Variants in SLC44A1 observed in about 807,000 individuals in gnomAD.
SLC44A1 encodes the protein choline transporter-like protein 1.
In SLC44A1, 26 loss-of-function variants were observed where a neutral mutation model predicts 79.3. That is an observed-to-expected ratio of 0.33 (90% CI 0.24 to 0.46). SLC44A1 has a LOEUF of 0.46. SLC44A1 is among the 20% of genes least tolerant of loss of function. SLC44A1 has a pLI of 1.00. For missense variants in SLC44A1, 688 were observed against 798.1 expected, an observed-to-expected ratio of 0.86 and a Z score of 1.66; for synonymous variants, 263 against 286.2, an observed-to-expected ratio of 0.92 and a Z score of 0.82.
rs1828819542 is a variant in SLC44A1, at chr9:105,393,853, C to T, written c.*4797C>T. ...AACTTAAATGATTTTCTCCAGGACA[C>T]GGAGCTCAGAATAATAAAGCTTTTA... is the stretch of plus-strand genomic sequence containing the variant. On this transcript the variant is annotated 3_prime_UTR_variant, in exon 16 of 16. Transcript: ENST00000374720. 3.0e-6 allele frequency: 3 copies of T among 983,868 alleles called. No individual in the cohort carries two copies. The highest frequency in any genetic ancestry group is 6.2e-5 in the Admixed American group (1 of 16,244). The allele number at this position is 983,868 out of a possible 1,614,324, so 60.9% of individuals were successfully genotyped here. A position where few individuals can be genotyped will look rare whatever the true frequency, so the allele number is the denominator to read the frequency against.
At chr9:105,426,061 T>C (rs149612377) in intron 15 of SLC44A1, among the ~76,000 whole-genome samples, 396 of 152,320 alleles carry the variant, frequency 2.6e-3, no homozygotes, top group Non-Finnish European at 4.8e-3. Flanking sequence ...GGGGCTCTGA[T>C]GTAAGATGAA....
At chr9:105,418,502 C>T (rs12336341) in intron 15 of SLC44A1, among the ~76,000 whole-genome samples, 6,049 of 152,198 alleles carry the variant, frequency 0.04, 380 homozygotes, top group African/African-American at 0.14. Flanking sequence ...AATCACACTT[C>T]TTAGCTTACA....
In SLC44A1 at chr9:105,297,989, C is replaced by T. The variant is rs1301077371; in HGVS notation, c.37-1231C>T. Reference sequence around the variant, plus strand: ...TTCTCCCTTCACTGCTTACTGTTTCCAGGAGAGGGTGTGAGACTCGGGCAT... The same window carrying T: ...TTCTCCCTTCACTGCTTACTGTTTCTAGGAGAGGGTGTGAGACTCGGGCAT... On this transcript the variant is annotated intron_variant, in intron 1 of 15. Coordinates refer to ENST00000374720, the MANE Select transcript of SLC44A1 (RefSeq NM_080546.5). Among the ~76,000 whole-genome samples the T allele has an allele frequency of 4.6e-5, 7 of 151,822 alleles. No homozygotes were observed. The East Asian group carries it at 1.4e-3, about 29-fold the overall frequency.
intron 15 of SLC44A1, among the ~76,000 whole-genome samples, chr9:105,407,375 T>G (rs1214199648): frequency 6.6e-6 from 1 of 152,146 alleles, no homozygotes; most frequent in Non-Finnish European, 1.5e-5. Flanking sequence ...CTCAAACAGA[T>G]TATAACCAAA....
chr9:105,372,445 G>T (rs899680350), intron 12 of SLC44A1, among the ~76,000 whole-genome samples: 8 of 151,674 alleles, frequency 5.3e-5, no homozygotes, highest in African/African-American at 1.9e-4. Flanking sequence ...ATGCCAGCAC[G>T]CCCGGCTAAT....
intron 3 of SLC44A1, among the ~76,000 whole-genome samples, chr9:105,312,660 A>G (rs1380758485): frequency 6.6e-6 from 1 of 152,168 alleles, no homozygotes; most frequent in Non-Finnish European, 1.5e-5. Context: ...AGTGTTTGAG[A>G]TTGCTTTATC....
At chr9:105,294,100 T>G (rs910977443) in intron 1 of SLC44A1, among the ~76,000 whole-genome samples, 1 of 152,202 alleles carries the variant, frequency 6.6e-6, no homozygotes, top group African/African-American at 2.4e-5. Context: ...AGTAGTAGTA[T>G]TAGAAATTGT....
chr9:105,336,733 G>A (rs1826936364), intron 4 of SLC44A1, among the ~76,000 whole-genome samples: 1 of 152,144 alleles, frequency 6.6e-6, no homozygotes, highest in Admixed American at 6.5e-5. Context: ...TCTTCCAGTT[G>A]GGGATGCTAG....
At chr9:105,414,907 G>C (rs1001819894) in intron 15 of SLC44A1, among the ~76,000 whole-genome samples, 17 of 152,158 alleles carry the variant, frequency 1.1e-4, no homozygotes, top group Admixed American at 6.5e-5. Flanking sequence ...TTTATTGGCA[G>C]AGTTTCTGTA....
intron 13 of SLC44A1, among the ~76,000 whole-genome samples, chr9:105,377,321 G>T (rs1828319875): frequency 6.6e-6 from 1 of 151,978 alleles, no homozygotes; most frequent in South Asian, 2.1e-4. Context: ...GAAAAAGAAT[G>T]GAAATGAATA....
At position 105,394,506 on chromosome 9, in the gene SLC44A1, A is replaced by G. The variant is rs1256326389; in HGVS notation, c.*5450A>G. 2.3e-5 allele frequency: 20 copies of G among 875,772 alleles called. No individual in the cohort carries two copies. The highest frequency in any genetic ancestry group is 2.6e-5 in the Non-Finnish European group (20 of 774,716). The allele number at this position is 875,772 out of a possible 1,614,324, so 54.3% of individuals were successfully genotyped here. A position where few individuals can be genotyped will look rare whatever the true frequency, so the allele number is the denominator to read the frequency against. On this transcript the variant is annotated 3_prime_UTR_variant, in exon 16 of 16. Coordinates refer to ENST00000374720, the MANE Select transcript of SLC44A1 (RefSeq NM_080546.5). Reference sequence around the variant, plus strand: ...GCAAGGTACCAGATTATTTGCAGTGAGCCAAAAAAAAAAAAATATCCAAGA... The same window carrying G: ...GCAAGGTACCAGATTATTTGCAGTGGGCCAAAAAAAAAAAAATATCCAAGA...
chr9:105,379,243 C>G (rs941350553), intron 13 of SLC44A1, among the ~76,000 whole-genome samples: 1 of 152,094 alleles, frequency 6.6e-6, no homozygotes, highest in African/African-American at 2.4e-5. Flanking sequence ...CCGCTGCATT[C>G]CAGTCTGGGT....
intron 7 of SLC44A1, among the ~76,000 whole-genome samples, chr9:105,360,554 T>G (rs1358279622): frequency 2.0e-5 from 3 of 152,100 alleles, no homozygotes; most frequent in Non-Finnish European, 4.4e-5. Flanking sequence ...TATGTGGAGG[T>G]AGGTTTGTCT....
rs903421691 is a variant in SLC44A1 at position 105,390,614 on chromosome 9, G to T, written c.*1558G>T. The T allele has an allele frequency of 2.0e-6, 2 of 985,584 alleles. No homozygotes were observed. Among genetic ancestry groups the T allele is most frequent in the African/African-American group, 1.7e-5 (1 of 57,192 alleles). 61.1% of individuals were successfully genotyped at this position (985,584 alleles called of 1,614,324 possible). A position where few individuals can be genotyped will look rare whatever the true frequency, so the allele number is the denominator to read the frequency against. On this transcript the variant is annotated 3_prime_UTR_variant, in exon 16 of 16. Coordinates refer to ENST00000374720, the MANE Select transcript of SLC44A1 (RefSeq NM_080546.5). ...TTTGCTAATGTGCTTCCTTTCAAAG[G>T]GTTGGACCTTTAAATTGCTGCAAAA... is the stretch of plus-strand genomic sequence containing the variant.
intron 15 of SLC44A1, among the ~76,000 whole-genome samples, chr9:105,419,914 CAAAAAAAAAA>C (rs59244219): frequency 1.9e-5 from 1 of 53,430 alleles, no homozygotes; most frequent in African/African-American, 6.3e-5. Flanking sequence ...AACTCTGTCT[CAAAAAAAAAA>C]AAAAAAAAAA....
chr9:105,434,294 C>A (rs555093572), intron 15 of SLC44A1, among the ~76,000 whole-genome samples: 23 of 151,976 alleles, frequency 1.5e-4, no homozygotes, highest in African/African-American at 5.5e-4. Context: ...TGAGCCGAGA[C>A]TGCACCACTG....
At chr9:105,344,655 G>C (rs1363861206) in intron 4 of SLC44A1, among the ~76,000 whole-genome samples, 1 of 152,044 alleles carries the variant, frequency 6.6e-6, no homozygotes, top group African/African-American at 2.4e-5. Flanking sequence ...TCTCCACTCA[G>C]GATATCTGTT....
chr9:105,326,641 G>A (rs964485543), intron 3 of SLC44A1, among the ~76,000 whole-genome samples: 7 of 151,932 alleles, frequency 4.6e-5, no homozygotes, highest in Non-Finnish European at 7.4e-5. Flanking sequence ...AAACTATGAA[G>A]TATAAAATCT....
chr9:105,333,752 G>C (rs1375111357), intron 3 of SLC44A1, among the ~76,000 whole-genome samples: 1 of 152,004 alleles, frequency 6.6e-6, no homozygotes, highest in Non-Finnish European at 1.5e-5. Flanking sequence ...TGAGGTTGCA[G>C]TCAGCTGAGA....
Sources: allele counts gnomAD v4.1 joint callset (sites outside exome capture counted in the v4.1 genomes callset), GRCh38; gene constraint gnomAD v4.1.1; transcripts MANE v1.5; gene names NCBI Gene and HGNC (gene_info 2026-07-23, HGNC 2026-07-21).